The following CDH13 variants were observed in gnomAD, a reference collection of about 807,000 sequenced individuals.
CDH13 encodes the protein cadherin-13.
CDH13 carries 24 observed loss-of-function variants against 63.8 expected under a neutral mutation model. That is an observed-to-expected ratio of 0.38 (90% CI 0.27 to 0.53). CDH13 has a LOEUF of 0.53. CDH13 is among the 20% of genes least tolerant of loss of function. CDH13 has a pLI of 0.85. For synonymous variants in CDH13, 503 were observed against 355.3 expected (o/e 1.42, Z -4.67); for missense variants, 1,049 against 903.1 (o/e 1.16, Z -2.07).
At chr16:83,592,846 G>A (rs531913060) in intron 7 of CDH13, among the ~76,000 whole-genome samples, 1 of 152,278 alleles carries the variant, frequency 6.6e-6, no homozygotes, top group African/African-American at 2.4e-5. Context: ...GTACCAAGAG[G>A]TAAGGTGAAA....
At chr16:83,150,104 C>G (rs13336887) in intron 4 of CDH13, among the ~76,000 whole-genome samples, 2,369 of 152,240 alleles carry the variant, frequency 0.016, 69 homozygotes, top group African/African-American at 0.054. Context: ...GTAAGCTTGT[C>G]TCTGTTTACT....
At chr16:82,692,302 C>T (rs1334174572) in intron 1 of CDH13, among the ~76,000 whole-genome samples, 1 of 152,174 alleles carries the variant, frequency 6.6e-6, no homozygotes, top group Non-Finnish European at 1.5e-5. Flanking sequence ...TCTCACCCTG[C>T]TTAGTAAAGA....
intron 8 of CDH13, among the ~76,000 whole-genome samples, chr16:83,615,003 T>C (rs1419857117): frequency 6.6e-6 from 1 of 152,202 alleles, no homozygotes; most frequent in African/African-American, 2.4e-5. Flanking sequence ...TCACTTGATT[T>C]GACATGAATA....
intron 7 of CDH13, among the ~76,000 whole-genome samples, chr16:83,507,269 A>G (rs1458266373): frequency 6.6e-6 from 1 of 152,222 alleles, no homozygotes; most frequent in Non-Finnish European, 1.5e-5. Flanking sequence ...TCCTCTGTCG[A>G]TTCTAGGCTT....
At position 83,570,847 on chromosome 16, in the gene CDH13, T is replaced by TATAA. The variant is rs1312513242; in HGVS notation, c.961-31604_961-31603insAATA. Among the ~76,000 whole-genome samples, 21 of 140,452 alleles carry TATAA rather than the reference T, an allele frequency of 1.5e-4. 1 individual carries two copies. In the Admixed American group the frequency reaches 1.5e-3, roughly 10 times the overall value. The allele number at this position is 140,452 out of a possible 152,430, so 92.1% of individuals were successfully genotyped here. On this transcript the variant is annotated intron_variant, in intron 7 of 13. Transcript: ENST00000567109. ...ATAAATAAAAATTTATATTTTTATATATATAAATATAAATATATTTATATA... is the reference window on the plus strand; with the variant it reads ...ATAAATAAAAATTTATATTTTTATATATAAATATAAATATAAATATATTTATATA...
intron 6 of CDH13, among the ~76,000 whole-genome samples, chr16:83,479,163 G>C (rs576822451): frequency 2.0e-5 from 3 of 152,210 alleles, no homozygotes; most frequent in Non-Finnish European, 4.4e-5. Flanking sequence ...GAAGTATCTA[G>C]GCTTGTCTAA....
chr16:83,379,938 T>TATATATAGAG lies in CDH13; in HGVS notation c.781+34933_781+34934insTATATAGAGA. On this transcript the variant is annotated intron_variant, in intron 6 of 13. Coordinates refer to ENST00000567109, the MANE Select transcript of CDH13 (RefSeq NM_001257.5). ...GTGTGTGTATATATATATATATATATAGAGAGAGAGAGAGAGAGAGAGAGA... is the reference window on the plus strand; with the variant it reads ...GTGTGTGTATATATATATATATATATATATATAGAGAGAGAGAGAGAGAGAGAGAGAGAGA... Among the ~76,000 whole-genome samples, 264 of 123,452 alleles carry TATATATAGAG rather than the reference T, an allele frequency of 2.1e-3. 2 individuals carry two copies. The highest frequency in any genetic ancestry group is 8.1e-3 in the African/African-American group (249 of 30,728). 81.0% of individuals were successfully genotyped at this position (123,452 alleles called of 152,430 possible). A position where few individuals can be genotyped will look rare whatever the true frequency, so the allele number is the denominator to read the frequency against.
At chr16:83,100,995 A>T (rs899624671) in intron 3 of CDH13, among the ~76,000 whole-genome samples, 1 of 152,146 alleles carries the variant, frequency 6.6e-6, no homozygotes, top group East Asian at 1.9e-4. Flanking sequence ...CATTTCCTAT[A>T]TGATTCAGAT....
At chr16:83,288,001 T>C (rs2089365220) in intron 5 of CDH13, among the ~76,000 whole-genome samples, 1 of 152,252 alleles carries the variant, frequency 6.6e-6, no homozygotes, top group Admixed American at 6.5e-5. Context: ...GTATTACTGA[T>C]TTCTTTCGTT....
intron 12 of CDH13, among the ~76,000 whole-genome samples, chr16:83,782,923 A>G (rs1915627847): frequency 6.6e-6 from 1 of 151,984 alleles, no homozygotes; most frequent in Non-Finnish European, 1.5e-5. Flanking sequence ...GTTCTTGGTA[A>G]TCAATCATCT....
chr16:83,590,535 A>C, intron 7 of CDH13, among the ~76,000 whole-genome samples: 1 of 152,188 alleles, frequency 6.6e-6, no homozygotes, highest in East Asian at 1.9e-4. Flanking sequence ...CATCCATAAC[A>C]AGATTGAAAG....
chr16:83,400,981 A>G (rs2091959685), intron 6 of CDH13, among the ~76,000 whole-genome samples: 1 of 146,952 alleles, frequency 6.8e-6, no homozygotes, highest in Non-Finnish European at 1.5e-5. Flanking sequence ...AGGTGAAGGG[A>G]TCACTTGAGG....
intron 6 of CDH13, among the ~76,000 whole-genome samples, chr16:83,372,716 C>T (rs1234293565): frequency 1.4e-5 from 2 of 143,382 alleles, no homozygotes; most frequent in African/African-American, 5.2e-5. Flanking sequence ...GGTGCCACTG[C>T]ACTCCAGCCT....
rs566954148 is a variant in CDH13, at chr16:83,524,713, A to T, written c.960+38058A>T. 1.4e-4 allele frequency among the ~76,000 whole-genome samples: 22 copies of T among 152,020 alleles called. No individual in the cohort carries two copies. The East Asian group carries it at 3.7e-3, about 25-fold the overall frequency. On this transcript the variant is annotated intron_variant, in intron 7 of 13. Transcript: ENST00000567109. ...GTGATCCGCCCGCCTCGGCCTTCCAAAGTGCTGGGATTACAGGTGTGAGCC... is the reference window on the plus strand; with the variant it reads ...GTGATCCGCCCGCCTCGGCCTTCCATAGTGCTGGGATTACAGGTGTGAGCC...
At chr16:82,899,765 G>A (rs2041396853) in intron 2 of CDH13, among the ~76,000 whole-genome samples, 1 of 152,146 alleles carries the variant, frequency 6.6e-6, no homozygotes, top group Non-Finnish European at 1.5e-5. Flanking sequence ...AGGACATAAA[G>A]CCACAATCTC....
At chr16:82,653,970 A>T (rs28439212) in intron 1 of CDH13, among the ~76,000 whole-genome samples, 14 of 151,772 alleles carry the variant, frequency 9.2e-5, no homozygotes, top group Non-Finnish European at 2.1e-4. Context: ...ACGGGGTTAC[A>T]GGGAGGGACA....
intron 2 of CDH13, among the ~76,000 whole-genome samples, chr16:82,894,557 G>A (rs563764297): frequency 5.9e-5 from 9 of 152,256 alleles, no homozygotes; most frequent in South Asian, 4.1e-4. Context: ...CAAGAGAATC[G>A]CTTGAACCCA....
At chr16:83,222,248 A>G (rs149513405) in intron 5 of CDH13, among the ~76,000 whole-genome samples, 2 of 152,208 alleles carry the variant, frequency 1.3e-5, no homozygotes, top group South Asian at 2.1e-4. Context: ...TTCTTGGTCA[A>G]GTTTTGAATT....
At chr16:82,797,598 A>T (rs555771069) in intron 1 of CDH13, among the ~76,000 whole-genome samples, 4 of 152,082 alleles carry the variant, frequency 2.6e-5, no homozygotes, top group Admixed American at 6.6e-5. Flanking sequence ...AAACAAAGAG[A>T]CTTCCTCCAC....
Sources: gnomAD v4.1 joint callset for allele counts (sites outside exome capture counted in the v4.1 genomes callset) on GRCh38, gnomAD v4.1.1 for gene constraint, MANE v1.5 for transcripts, NCBI Gene and HGNC (gene_info 2026-07-23, HGNC 2026-07-21) for gene names.